Variants in CTNNA3 observed in about 807,000 individuals in gnomAD.
The protein encoded by CTNNA3 is catenin alpha-3.
In CTNNA3, 76 loss-of-function variants were observed where a neutral mutation model predicts 95.7. The ratio of observed to expected loss-of-function variants is 0.79; its 90% CI spans 0.66 to 0.96. The LOEUF is 0.96. CTNNA3 is among the 40% of genes least tolerant of loss of function. CTNNA3 has a pLI of 0.00. For missense variants in CTNNA3, 1,191 were observed against 1,089.8 expected (o/e 1.09, Z -1.31); for synonymous variants, 431 against 374.4 (o/e 1.15, Z -1.74).
chr10:67,740,552 G>GA (rs1841330368), intron 1 of CTNNA3, among the ~76,000 whole-genome samples: 1 of 151,354 alleles, frequency 6.6e-6, no homozygotes, highest in Non-Finnish European at 1.5e-5. Flanking sequence ...AAAAACATAT[G>GA]AAAAAATGCT....
At chr10:66,084,148 G>A (rs201832810) in intron 14 of CTNNA3, among the ~76,000 whole-genome samples, 21,942 of 111,244 alleles carry the variant, frequency 0.2, 2,031 homozygotes, top group South Asian at 0.4. Flanking sequence ...AAAAAAAAAA[G>A]AAAAAAAAAG....
chr10:66,810,313 A>C (rs529999074), intron 7 of CTNNA3, among the ~76,000 whole-genome samples: 1 of 152,122 alleles, frequency 6.6e-6, no homozygotes, highest in Non-Finnish European at 1.5e-5. Flanking sequence ...TGGCAAGCAC[A>C]TTAGTTCCCC....
At chr10:67,480,390 T>C (rs913023552) in intron 5 of CTNNA3, among the ~76,000 whole-genome samples, 27 of 152,052 alleles carry the variant, frequency 1.8e-4, no homozygotes, top group Admixed American at 6.5e-5. Context: ...AAACAGGCCA[T>C]GAGAAACAAG....
At chr10:66,871,190 A>G (rs1844389207) in intron 7 of CTNNA3, among the ~76,000 whole-genome samples, 1 of 152,194 alleles carries the variant, frequency 6.6e-6, no homozygotes, top group South Asian at 2.1e-4. Flanking sequence ...TAGGTTGAAG[A>G]AAATCATATA....
intron 7 of CTNNA3, among the ~76,000 whole-genome samples, chr10:67,073,819 T>C (rs888743879): frequency 6.6e-6 from 1 of 152,190 alleles, no homozygotes; most frequent in Non-Finnish European, 1.5e-5. Context: ...ATTTTGATCC[T>C]TTCTAAGTCT....
chr10:66,624,710 G>A (rs537111407), intron 9 of CTNNA3, among the ~76,000 whole-genome samples: 16 of 152,184 alleles, frequency 1.1e-4, no homozygotes, highest in African/African-American at 3.9e-4. Flanking sequence ...TAGTTCACAG[G>A]TCACCATTTT....
intron 13 of CTNNA3, among the ~76,000 whole-genome samples, chr10:66,147,617 T>G (rs1312104627): frequency 3.2e-4 from 48 of 149,804 alleles, no homozygotes; most frequent in South Asian, 8.5e-4. Context: ...AGTTTTTTTT[T>G]TTTTTTTTTT....
intron 15 of CTNNA3, among the ~76,000 whole-genome samples, chr10:66,017,683 T>C (rs572991343): frequency 3.9e-5 from 6 of 152,208 alleles, no homozygotes; most frequent in South Asian, 4.1e-4. Flanking sequence ...GGATGGATCA[T>C]CCTAAATATC....
intron 11 of CTNNA3, among the ~76,000 whole-genome samples, chr10:66,518,473 A>G (rs1176100848): frequency 2.0e-5 from 3 of 152,138 alleles, no homozygotes; most frequent in Non-Finnish European, 2.9e-5. Context: ...GTCAAATTAC[A>G]AAAGGCTTTT....
chr10:66,765,454 C>A lies in CTNNA3; in HGVS notation c.1281+810G>T, dbSNP rs74587304. 7.0e-3 allele frequency among the ~76,000 whole-genome samples: 1,067 copies of A among 152,178 alleles called. 7 individuals carry two copies. Among genetic ancestry groups the A allele is most frequent in the African/African-American group, 0.024 (1,013 of 41,522 alleles). On this transcript the variant is annotated intron_variant, in intron 9 of 17. Coordinates refer to ENST00000433211, the MANE Select transcript of CTNNA3 (RefSeq NM_013266.4). ...CACCAGCCATGAACAACTGGTGCAG[C>A]CATGCTGATGAGTATGAGCCATACT...
chr10:66,685,284 A>C (rs5016554), intron 9 of CTNNA3, among the ~76,000 whole-genome samples: 5,435 of 72,036 alleles, frequency 0.075, 322 homozygotes, highest in African/African-American at 0.12. Context: ...CGTATATATA[A>C]GTATATATAT....
At chr10:66,420,432 G>A (rs1334582502) in intron 11 of CTNNA3, among the ~76,000 whole-genome samples, 1 of 152,048 alleles carries the variant, frequency 6.6e-6, no homozygotes, top group Non-Finnish European at 1.5e-5. Context: ...AATATCACAT[G>A]CTGACAAGGA....
rs188072971 is a variant in CTNNA3 at position 66,980,438 on chromosome 10, T to C, written c.1047+199879A>G. Among the ~76,000 whole-genome samples the C allele has an allele frequency of 1.7e-3, 263 of 152,156 alleles. 2 individuals carry two copies. Among genetic ancestry groups the C allele is most frequent in the African/African-American group, 6.0e-3 (248 of 41,492 alleles). On this transcript the variant is annotated intron_variant, in intron 7 of 17. Coordinates refer to ENST00000433211, the MANE Select transcript of CTNNA3 (RefSeq NM_013266.4). ...GAGAACCCTGGCACTGCCACAGCTG[T>C]CACTGGCCTTTTCTGTTTCCCAAGC...
In CTNNA3 at chr10:66,830,410, G is replaced by A. The variant is rs1216582886; in HGVS notation, c.1048-54886C>T. Among the ~76,000 whole-genome samples the A allele has an allele frequency of 2.6e-5, 4 of 151,138 alleles. No individual in the cohort carries two copies. In the East Asian group the frequency reaches 7.7e-4, roughly 29 times the overall value. ...CAGGAGCACTCATAGAATCTTAGAA[G>A]ATTAGAATTGAAAGAAGTACCGACA... is the stretch of plus-strand genomic sequence containing the variant. On this transcript the variant is annotated intron_variant, in intron 7 of 17. Coordinates refer to ENST00000433211, the MANE Select transcript of CTNNA3 (RefSeq NM_013266.4).
intron 11 of CTNNA3, among the ~76,000 whole-genome samples, chr10:66,519,502 C>A (rs1312957545): frequency 6.6e-6 from 1 of 152,164 alleles, no homozygotes; most frequent in Non-Finnish European, 1.5e-5. Flanking sequence ...CTGCTTAGGA[C>A]AAACCTGCCT....
chr10:67,327,668 C>G (rs1841597780), intron 5 of CTNNA3, among the ~76,000 whole-genome samples: 1 of 152,166 alleles, frequency 6.6e-6, no homozygotes, highest in African/African-American at 2.4e-5. Context: ...TGGTGTCAGC[C>G]AAAGTGTTTC....
intron 1 of CTNNA3, among the ~76,000 whole-genome samples, chr10:67,761,674 C>T (rs1249954030): frequency 6.6e-6 from 1 of 152,054 alleles, no homozygotes. Flanking sequence ...GTCAGGAGAT[C>T]GAGACCATCC....
chr10:66,313,183 T>A (rs953809739), intron 12 of CTNNA3, among the ~76,000 whole-genome samples: 1 of 152,200 alleles, frequency 6.6e-6, no homozygotes, highest in Admixed American at 6.5e-5. Flanking sequence ...AGCCTTTAGT[T>A]CTGACAAAAA....
chr10:66,043,254 A>C (rs1307933671), intron 15 of CTNNA3, among the ~76,000 whole-genome samples: 2 of 152,026 alleles, frequency 1.3e-5, no homozygotes, highest in Non-Finnish European at 2.9e-5. Flanking sequence ...ACGAAAAAGA[A>C]AGTACAAAAA....
Sources: gnomAD v4.1 joint callset for allele counts (sites outside exome capture counted in the v4.1 genomes callset) on GRCh38, gnomAD v4.1.1 for gene constraint, MANE v1.5 for transcripts, NCBI Gene and HGNC (gene_info 2026-07-23, HGNC 2026-07-21) for gene names.